The following ST3GAL1 variants were observed in gnomAD, a reference collection of about 807,000 sequenced individuals.
ST3GAL1 encodes the protein CMP-N-acetylneuraminate-beta-galactosamide-alpha-2,3-sialyltransferase 1.
A neutral mutation model predicts 34.1 loss-of-function variants in ST3GAL1; 16 were observed. The observed-to-expected ratio is 0.47, with a 90% CI of 0.32 to 0.71. ST3GAL1 has a LOEUF of 0.71. Among genes scored for constraint, ST3GAL1 ranks in the 30% least tolerant of loss-of-function variants. The pLI is 0.04. For missense variants in ST3GAL1, 353 were observed against 447.4 expected (o/e 0.79, Z 1.90); for synonymous variants, 191 against 184.7 (o/e 1.03, Z -0.28).
intron 5 of ST3GAL1, among the ~76,000 whole-genome samples, chr8:133,474,347 A>G (rs1210879795): frequency 1.3e-5 from 2 of 152,224 alleles, no homozygotes; most frequent in Admixed American, 6.5e-5. Context: ...CAAGAAAGGA[A>G]AGACTCTATC....
intron 3 of ST3GAL1, among the ~76,000 whole-genome samples, chr8:133,485,892 G>C (rs569701910): frequency 6.6e-6 from 1 of 152,292 alleles, no homozygotes; most frequent in African/African-American, 2.4e-5. Flanking sequence ...TGAGCCTCAA[G>C]TTCCTCATCC....
At chr8:133,540,540 T>C (rs1484386536) in intron 2 of ST3GAL1, among the ~76,000 whole-genome samples, 13 of 151,968 alleles carry the variant, frequency 8.6e-5, no homozygotes, top group Admixed American at 8.5e-4. Context: ...GTGTATCCTT[T>C]GATCAACAGC....
intron 5 of ST3GAL1, 100 bp downstream of exon 5, chr8:133,475,619 G>T: frequency 1.5e-6 from 2 of 1,351,682 alleles, no homozygotes; most frequent in Non-Finnish European, 2.0e-6. Flanking sequence ...TTCAGCCCAG[G>T]CCTCCCACTC....
chr8:133,513,973 C>G (rs1817571801), intron 2 of ST3GAL1, among the ~76,000 whole-genome samples: 1 of 151,928 alleles, frequency 6.6e-6, no homozygotes, highest in Admixed American at 6.6e-5. Flanking sequence ...ACAGTGCAAA[C>G]TAAATGGCAA....
rs553687499 is a variant in ST3GAL1 at position 133,571,056 on chromosome 8, A to G, written c.-582+637T>C. On this transcript the variant is annotated intron_variant, in intron 1 of 9. Transcript: ENST00000522652. This position sits in a 1 kb window ranked among gnomAD's most constrained non-coding sequence, Gnocchi z 6.7. The stretch of plus-strand genomic sequence containing the variant: ...TGTCCCGGGTGTCAACTTCACCCCC[A>G]GATCCGGAGCAGCGCGCTCTGACGG... Among the ~76,000 whole-genome samples, 55 of 152,288 alleles carry G rather than the reference A, an allele frequency of 3.6e-4. No individual in the cohort carries two copies. The highest frequency in any genetic ancestry group is 1.4e-3 in the Admixed American group (22 of 15,312).
chr8:133,497,793 C>T (rs1362592426), intron 3 of ST3GAL1, among the ~76,000 whole-genome samples: 1 of 151,934 alleles, frequency 6.6e-6, no homozygotes, highest in Non-Finnish European at 1.5e-5. Context: ...GCTACACAAC[C>T]CCCACCCCAC....
chr8:133,565,852 C>T (rs4736697), intron 1 of ST3GAL1, among the ~76,000 whole-genome samples: 69,147 of 151,900 alleles, frequency 0.46, 17,058 homozygotes, highest in East Asian at 0.64. Context: ...AGGGCCAGGG[C>T]CCAGGAGTTC....
intron 5 of ST3GAL1, among the ~76,000 whole-genome samples, chr8:133,472,647 T>C (rs559154767): frequency 2.6e-5 from 4 of 152,274 alleles, no homozygotes; most frequent in African/African-American, 7.2e-5. Context: ...TATCTGTGCA[T>C]TTTTTAGAAC....
chr8:133,524,339 C>A (rs1316720031), intron 2 of ST3GAL1, among the ~76,000 whole-genome samples: 1 of 152,322 alleles, frequency 6.6e-6, no homozygotes, highest in South Asian at 2.1e-4. Context: ...CAGGCATTGT[C>A]CCCTAGAGAC....
rs559622722 is a variant in ST3GAL1, at chr8:133,496,060, G to A, written c.-374+3075C>T. On this transcript the variant is annotated intron_variant, in intron 3 of 9. Coordinates refer to ENST00000522652, the MANE Select transcript of ST3GAL1 (RefSeq NM_173344.3). The stretch of plus-strand genomic sequence containing the variant: ...GTGCTGAATGATGATGGGCTTGCTG[G>A]TCAACCACTGAGCTGCCTGCTCCTT... 6.1e-4 allele frequency among the ~76,000 whole-genome samples: 93 copies of A among 152,286 alleles called. 1 individual carries two copies. The highest frequency in any genetic ancestry group is 1.2e-3 in the Non-Finnish European group (80 of 68,022).
intron 1 of ST3GAL1, among the ~76,000 whole-genome samples, chr8:133,569,597 G>T (rs763721423): frequency 6.6e-6 from 1 of 152,158 alleles, no homozygotes. Flanking sequence ...TATTGGCAGA[G>T]GCTGAGGGGC....
intron 2 of ST3GAL1, among the ~76,000 whole-genome samples, chr8:133,527,177 G>A (rs1207915420): frequency 1.3e-5 from 2 of 152,150 alleles, no homozygotes; most frequent in African/African-American, 2.4e-5. Context: ...GGGAGGGGAG[G>A]CAGAGAGAAA....
chr8:133,510,340 C>G (rs1430642641), intron 2 of ST3GAL1, among the ~76,000 whole-genome samples: 1 of 152,156 alleles, frequency 6.6e-6, no homozygotes, highest in Non-Finnish European at 1.5e-5. Flanking sequence ...TACCATCACC[C>G]CTTCACCTCA....
chr8:133,504,053 T>C (rs1000493391), intron 2 of ST3GAL1, among the ~76,000 whole-genome samples: 1 of 152,106 alleles, frequency 6.6e-6, no homozygotes, highest in African/African-American at 2.4e-5. Flanking sequence ...TTCACTGGGT[T>C]CCTGTGAAGG....
intron 7 of ST3GAL1, among the ~76,000 whole-genome samples, chr8:133,464,554 T>C (rs72718258): frequency 0.19 from 28,810 of 152,148 alleles, 3,303 homozygotes; most frequent in African/African-American, 0.32. Flanking sequence ...CCTTCAGGAA[T>C]TGTTAGCAAG....
At chr8:133,524,108 A>C (rs1157607983) in intron 2 of ST3GAL1, among the ~76,000 whole-genome samples, 1 of 151,742 alleles carries the variant, frequency 6.6e-6, no homozygotes, top group Non-Finnish European at 1.5e-5. Context: ...TGACTGATAC[A>C]CTCTCTCTGC....
At chr8:133,566,717 C>T (rs930875072) in intron 1 of ST3GAL1, among the ~76,000 whole-genome samples, 4 of 152,180 alleles carry the variant, frequency 2.6e-5, no homozygotes, top group African/African-American at 4.8e-5. Context: ...ATAAAGTATA[C>T]GGATGAGCAT....
rs187088615 is a variant in ST3GAL1, at chr8:133,465,391, G to A, written c.504-434C>T. Among the ~76,000 whole-genome samples the A allele has an allele frequency of 2.6e-5, 4 of 152,264 alleles. No individual in the cohort carries two copies. The East Asian group carries it at 7.7e-4, about 29-fold the overall frequency. ...CTATTCTAGAAGGCTGCTGGGGATGGCCAGCCCCCACCCCTGCACTTCTCA... is the reference window on the plus strand; with the variant it reads ...CTATTCTAGAAGGCTGCTGGGGATGACCAGCCCCCACCCCTGCACTTCTCA... On this transcript the variant is annotated intron_variant, in intron 6 of 9. Coordinates refer to ENST00000522652, the MANE Select transcript of ST3GAL1 (RefSeq NM_173344.3).
chr8:133,562,592 TG>T (rs2131110502), intron 1 of ST3GAL1, among the ~76,000 whole-genome samples: 1 of 152,276 alleles, frequency 6.6e-6, no homozygotes, highest in East Asian at 1.9e-4. Flanking sequence ...CTGTAGTTGC[TG>T]GTGTCTGTGA....
Sources: gnomAD v4.1 joint callset for allele counts (sites outside exome capture counted in the v4.1 genomes callset) on GRCh38, gnomAD v4.1.1 for gene constraint, Gnocchi (gnomAD v3.1) non-coding constraint, MANE v1.5 for transcripts, NCBI Gene and HGNC (gene_info 2026-07-23, HGNC 2026-07-21) for gene names.